The following ERCC6L variants were observed in gnomAD, a reference collection of about 807,000 sequenced individuals.
The protein encoded by ERCC6L is ERCC excision repair 6 like, spindle assembly checkpoint helicase.
ERCC6L carries 7 observed loss-of-function variants against 20.1 expected under a neutral mutation model. The ratio of observed to expected loss-of-function variants is 0.35; its 90% confidence interval spans 0.20 to 0.65. The LOEUF is 0.65. Ranked by LOEUF, ERCC6L falls within the 30% of genes least tolerant of loss-of-function variation. The pLI, the probability that ERCC6L is intolerant of heterozygous loss-of-function variation, is 0.69. For synonymous variants in ERCC6L, 278 were observed against 331.3 expected, an observed-to-expected ratio of 0.84 and a Z score of 1.75; for missense variants, 592 against 892.4, an observed-to-expected ratio of 0.66 and a Z score of 4.29.
At position 72,237,831 on chromosome X, in the gene ERCC6L, C is replaced by T. The variant is rs1016857752; in HGVS notation, c.68+1013G>A. 3 of 111,386 alleles carry T rather than the reference C, an allele frequency of 2.7e-5. No individual in the cohort carries two copies. The East Asian group carries it at 8.4e-4, about 31-fold the overall frequency. 9.2% of individuals were successfully genotyped at this position (111,386 alleles called of 1,213,427 possible). A position where few individuals can be genotyped will look rare whatever the true frequency, so the allele number is the denominator to read the frequency against. ...ATTGGCTGGACATGGTGGCACCCACCTTAAGTCCCAGCTACTAGGGAGGCT... is the reference window on the plus strand; with the variant it reads ...ATTGGCTGGACATGGTGGCACCCACTTTAAGTCCCAGCTACTAGGGAGGCT... On this transcript the variant is annotated intron_variant, in intron 1 of 1. Transcript: ENST00000334463.
At chrX:72,215,176 G>A (rs1341172403) in intron 1 of ERCC6L, among the ~76,000 whole-genome samples, 1 of 111,815 alleles carries the variant, frequency 8.9e-6, no homozygotes, top group Non-Finnish European at 1.9e-5. Flanking sequence ...TTCTAAAATA[G>A]GCAAAACTAA....
intron 1 of ERCC6L, among the ~76,000 whole-genome samples, chrX:72,222,770 G>A (rs1179149120): frequency 5.5e-5 from 6 of 108,217 alleles, no homozygotes; most frequent in African/African-American, 2.0e-4. Context: ...GCTAATTTTT[G>A]TATTTTTAGT....
chrX:72,207,399 C>G lies in ERCC6L; in HGVS notation c.1368G>C (p.Met456Ile). 8.3e-7 allele frequency: 1 copy of G among 1,211,186 alleles called. No homozygotes were observed. Among genetic ancestry groups the G allele is most frequent in the Non-Finnish European group, 1.1e-6 (1 of 895,250 alleles). ...GGAATATCATTTTTCCAGATTCTTC[C>G]ATCAATGTGTCATCAGTTACTTGAT... The part of the protein sequence containing the change: ...HIDQVTDDTL[M>I]EESGKMIFLM... The change falls in exon 2 of 2, where the codon ATG (methionine) becomes ATC (isoleucine). Residue 456 changes from methionine to isoleucine, a missense_variant. Physicochemically the swap from Met to Ile is conservative, Grantham distance 10 (BLOSUM62 1). Coordinates refer to ENST00000334463, the MANE Select transcript of ERCC6L (RefSeq NM_017669.4).
Position 72,206,961 on chromosome X carries a change from G to T in ERCC6L, c.1806C>A (p.Asp602Glu), listed in dbSNP as rs765208217. The change falls in exon 2 of 2, where the codon GAC (aspartate) becomes GAA (glutamate). Residue 602 changes from aspartate to glutamate, a missense_variant. Physicochemically the swap from Asp to Glu is conservative, Grantham distance 45. Coordinates refer to ENST00000334463, the MANE Select transcript of ERCC6L (RefSeq NM_017669.4). ...CACCAGTAGTTTGTCTTATTAATGA[G>T]TCCTTGAAAACCTGTCTTCTGTATA... ...EKIYRRQVFK[D>E]SLIRQTTGEK... The T allele has an allele frequency of 3.6e-5, 44 of 1,208,832 alleles. No homozygotes were observed. In the South Asian group the frequency reaches 7.8e-4, roughly 21 times the overall value.
chrX:72,230,966 A>C (rs1463965455), intron 1 of ERCC6L, among the ~76,000 whole-genome samples: 1 of 111,994 alleles, frequency 8.9e-6, no homozygotes, highest in Non-Finnish European at 1.9e-5. Context: ...CCCTGTCTCT[A>C]AATAAATAAA....
chrX:72,206,269 T>C lies in ERCC6L; in HGVS notation c.2498A>G (p.Glu833Gly). The change falls in exon 2 of 2, where the codon GAA (glutamate) becomes GGA (glycine). Residue 833 changes from glutamate (E) to glycine (G), a missense_variant. Physicochemically the swap from Glu to Gly is moderately conservative, Grantham distance 98. Around this residue, in one of 3 missense-constraint regions of ERCC6L, gnomAD observed 352 missense variants for 402.6 expected, o/e 0.87. Coordinates refer to ENST00000334463, the MANE Select transcript of ERCC6L (RefSeq NM_017669.4). ...TTCATTTTTAGTTGCAAAGCTTTTT[T>C]CCATTCCCAATGAAGAGTTAGTACA... ...ELCTNSSLGM[E>G]KSFATKNEAV... 8.3e-7 allele frequency: 1 copy of C among 1,208,417 alleles called. No homozygotes were observed. The highest frequency in any genetic ancestry group is 1.8e-5 in the South Asian group (1 of 56,040).
In ERCC6L at chrX:72,208,704, G is replaced by GAA; in HGVS notation, c.69-8_69-7dup. On this transcript the variant is annotated splice_polypyrimidine_tract_variant and splice_region_variant and intron_variant, in intron 1 of 1. Transcript: ENST00000334463. ...CTTTGGCCTCTTTCACATATCTATA[G>GAA]AAAAAAAAAGAAGAAGAGGAGAAAG... is the stretch of plus-strand genomic sequence containing the variant. 9.0e-7 allele frequency: 1 copy of GAA among 1,117,117 alleles called. No homozygotes were observed. The highest frequency in any genetic ancestry group is 1.2e-6 in the Non-Finnish European group (1 of 837,063). 92.1% of individuals were successfully genotyped at this position (1,117,117 alleles called of 1,213,427 possible). A position where few individuals can be genotyped will look rare whatever the true frequency, so the allele number is the denominator to read the frequency against.
At chrX:72,209,615 C>T (rs918320943) in intron 1 of ERCC6L, among the ~76,000 whole-genome samples, 1 of 111,479 alleles carries the variant, frequency 9.0e-6, no homozygotes, top group Non-Finnish European at 1.9e-5. Context: ...CACCTTCTTT[C>T]CATCTCTACT....
chrX:72,210,205 AT>A (rs1187565163), intron 1 of ERCC6L, among the ~76,000 whole-genome samples: 1 of 68,112 alleles, frequency 1.5e-5, no homozygotes, highest in African/African-American at 6.3e-5. Context: ...CTCTTAAAAA[AT>A]AAATAAATAA....
At chrX:72,238,731 G>T (rs1258654366) in intron 1 of ERCC6L, 113 bp downstream of exon 1, 4 of 668,965 alleles carry the variant, frequency 6.0e-6, no homozygotes, top group Non-Finnish European at 8.9e-6. Context: ...GCGAGCGCGC[G>T]TCTCAAAAGG....
At chrX:72,224,606 C>T (rs981905487) in intron 1 of ERCC6L, among the ~76,000 whole-genome samples, 2 of 111,021 alleles carry the variant, frequency 1.8e-5, no homozygotes, top group African/African-American at 3.3e-5. Flanking sequence ...ATTAACTGGG[C>T]GTGGTGGTGC....
chrX:72,206,425 G>A lies in ERCC6L; in HGVS notation c.2342C>T (p.Pro781Leu). 1 of 1,209,774 alleles carries A rather than the reference G, an allele frequency of 8.3e-7. No homozygotes were observed. The highest frequency in any genetic ancestry group is 1.1e-6 in the Non-Finnish European group (1 of 894,730). The change falls in exon 2 of 2, where the codon CCC (proline) becomes CTC (leucine). Residue 781 changes from proline to leucine, a missense_variant. Coordinates refer to ENST00000334463, the MANE Select transcript of ERCC6L (RefSeq NM_017669.4). ...KMASVVIDDLPKEGEKQDLSS... is the reference protein window; with the variant it reads ...KMASVVIDDLLKEGEKQDLSS... ...GAGATCTTGTTTCTCACCCTCTTTG[G>A]GCAGATCATCAATGACTACACTTGC...
intron 1 of ERCC6L, among the ~76,000 whole-genome samples, chrX:72,211,483 T>C (rs1396838974): frequency 1.8e-5 from 2 of 112,208 alleles, no homozygotes; most frequent in African/African-American, 6.5e-5. Context: ...TGTTTCTCTT[T>C]AAGGATTATT....
At position 72,207,025 on chromosome X, in the gene ERCC6L, A is replaced by G; in HGVS notation, c.1742T>C (p.Val581Ala). 8.3e-7 allele frequency: 1 copy of G among 1,211,666 alleles called. No individual in the cohort carries two copies. The highest frequency in any genetic ancestry group is 1.1e-6 in the Non-Finnish European group (1 of 895,477). ...YRIGQKENVV[V>A]YRLITCGTVE... is the part of the protein sequence containing the mutation. ...AGTCCCACAAGTGATTAGCCTATAA[A>G]CCACAACATTCTCTTTTTGTCCAAT... Residue 581 changes from valine to alanine, a missense_variant, in exon 2 of 2, where the codon GTT (valine) becomes GCT (alanine). Around this residue, in one of 3 missense-constraint regions of ERCC6L, gnomAD observed 196 missense variants for 440.1 expected, o/e 0.45. Transcript: ENST00000334463.
At chrX:72,230,047 C>T (rs947207605) in intron 1 of ERCC6L, among the ~76,000 whole-genome samples, 12 of 109,601 alleles carry the variant, frequency 1.1e-4, no homozygotes, top group Non-Finnish European at 2.1e-4. Flanking sequence ...TGGTGGTGGG[C>T]GCCTGTAGTC....
intron 1 of ERCC6L, among the ~76,000 whole-genome samples, chrX:72,227,022 A>T (rs2042957810): frequency 9.0e-6 from 1 of 111,613 alleles, no homozygotes. Flanking sequence ...CCAACACTAA[A>T]TCCCTTTCTT....
intron 1 of ERCC6L, among the ~76,000 whole-genome samples, chrX:72,216,371 T>C (rs985204587): frequency 1.8e-5 from 2 of 112,007 alleles, no homozygotes; most frequent in Non-Finnish European, 3.8e-5. Flanking sequence ...GACACCTTGA[T>C]TTCAGACTTC....
chrX:72,212,092 T>C (rs1186943474), intron 1 of ERCC6L, among the ~76,000 whole-genome samples: 1 of 109,836 alleles, frequency 9.1e-6, no homozygotes, highest in Non-Finnish European at 1.9e-5. Flanking sequence ...CTGGCCAACA[T>C]GGTGAAACCC....
At chrX:72,221,086 G>T (rs2042920465) in intron 1 of ERCC6L, among the ~76,000 whole-genome samples, 1 of 111,833 alleles carries the variant, frequency 8.9e-6, no homozygotes, top group Admixed American at 9.5e-5. Context: ...GCTCTGGCCG[G>T]GGCTACTCCC....
Sources: gnomAD v4.1 joint callset for allele counts (sites outside exome capture counted in the v4.1 genomes callset) on GRCh38, gnomAD v4.1.1 for gene constraint, gnomAD v4.1.1 regional missense constraint, MANE v1.5 for transcripts, NCBI Gene and HGNC (gene_info 2026-07-23, HGNC 2026-07-21) for gene names.